The following FLNB variants were observed in gnomAD, a reference collection of about 807,000 sequenced individuals.
The protein encoded by FLNB is filamin-B.
FLNB carries 111 observed loss-of-function variants against 250.6 expected under a neutral mutation model. The ratio of observed to expected loss-of-function variants is 0.44; its 90% CI spans 0.38 to 0.52. The LOEUF is 0.52. FLNB is among the 20% of genes least tolerant of loss of function. FLNB has a pLI of 0.00. For missense variants in FLNB, 2,869 were observed against 3,447.8 expected (o/e 0.83, Z 4.20); for synonymous variants, 1,302 against 1,372.1 (o/e 0.95, Z 1.13).
Position 58,143,500 on chromosome 3 carries a change from C to T in FLNB, c.5312C>T (p.Thr1771Ile), listed in dbSNP as rs1428980287. The T allele has an allele frequency of 6.2e-7, 1 of 1,614,170 alleles. No homozygotes were observed. Among genetic ancestry groups the T allele is most frequent in the Admixed American group, 1.7e-5 (1 of 60,030 alleles). Reference protein sequence around the residue: ...TGEVHMPSGKTATPEIVDNKD... With the variant: ...TGEVHMPSGKIATPEIVDNKD... The stretch of plus-strand genomic sequence containing the variant: ...GAGGTCCACATGCCTTCTGGGAAGA[C>T]AGCCACACCTGAGATTGTGGACAAC... Residue 1771 changes from threonine to isoleucine, a missense_variant, in exon 32 of 46, where the codon ACA (threonine) becomes ATA (isoleucine). Thr to Ile is a moderately conservative substitution (Grantham distance 89, BLOSUM62 -1). Around this residue, in one of 5 missense-constraint regions of FLNB, gnomAD observed 1,084 missense variants for 1,315.5 expected, o/e 0.82. Transcript: ENST00000295956.
Position 58,123,703 on chromosome 3 carries a change from T to TAA in FLNB, c.3724+35_3724+36dup, listed in dbSNP as rs56147140. The TAA allele has an allele frequency of 2.4e-3, 2,660 of 1,113,528 alleles. No individual in the cohort carries two copies. The highest frequency in any genetic ancestry group is 4.1e-3 in the South Asian group (270 of 65,484). The allele number at this position is 1,113,528 out of a possible 1,614,324, so 69.0% of individuals were successfully genotyped here. A position where few individuals can be genotyped will look rare whatever the true frequency, so the allele number is the denominator to read the frequency against. Reference sequence around the variant, plus strand: ...ATAGAAGGGAAAGGTGGGTTTCATTTAAAAAAAAAAAAAAAAAAAAAAAGA... The same window carrying TAA: ...ATAGAAGGGAAAGGTGGGTTTCATTTAAAAAAAAAAAAAAAAAAAAAAAAAGA... On this transcript the variant is annotated intron_variant, in intron 21 of 45. Transcript: ENST00000295956.
chr3:58,045,999 C>CAAAAAA (rs34327981), intron 1 of FLNB, among the ~76,000 whole-genome samples: 3 of 69,004 alleles, frequency 4.3e-5, no homozygotes, highest in Admixed American at 2.2e-4. Context: ...ACTCCGTCTC[C>CAAAAAA]AAAAAAAAAA....
intron 1 of FLNB, among the ~76,000 whole-genome samples, chr3:58,021,239 A>C (rs2097113601): frequency 6.6e-6 from 1 of 152,184 alleles, no homozygotes; most frequent in Non-Finnish European, 1.5e-5. Flanking sequence ...AAAGCAGGCC[A>C]GAGTATGGGA....
At position 58,051,519 on chromosome 3, in the gene FLNB, C is replaced by T. The variant is rs537416759; in HGVS notation, c.293-25527C>T. Among the ~76,000 whole-genome samples the T allele has an allele frequency of 3.3e-5, 5 of 152,224 alleles. No individual in the cohort carries two copies. In the South Asian group the frequency reaches 8.3e-4, roughly 25 times the overall value. ...CATCTGCATGTGGATAAAGGGTCGT[C>T]GTCTTGAGTAGTGATTTTGCTGTGA... On this transcript the variant is annotated intron_variant, in intron 1 of 45. Transcript: ENST00000295956.
At chr3:58,043,399 G>A (rs914131316) in intron 1 of FLNB, among the ~76,000 whole-genome samples, 3 of 152,018 alleles carry the variant, frequency 2.0e-5, no homozygotes, top group African/African-American at 7.3e-5. Context: ...ACTTGAGCTG[G>A]CTTAAGTGAA....
intron 15 of FLNB, 101 bp downstream of exon 15, chr3:58,109,800 T>C: frequency 6.6e-7 from 1 of 1,518,700 alleles, no homozygotes; most frequent in Non-Finnish European, 9.1e-7. Flanking sequence ...GTAGTCCATC[T>C]GAATAGGTAA....
chr3:58,065,149 T>C (rs2097183742), intron 1 of FLNB, among the ~76,000 whole-genome samples: 1 of 152,190 alleles, frequency 6.6e-6, no homozygotes, highest in African/African-American at 2.4e-5. Context: ...TGTGTTTATA[T>C]GGTTCATACG....
At chr3:58,056,100 TA>T (rs1199047330) in intron 1 of FLNB, among the ~76,000 whole-genome samples, 30 of 132,492 alleles carry the variant, frequency 2.3e-4, no homozygotes, top group South Asian at 6.5e-4. Context: ...TTTATTTATT[TA>T]TTTATTTTTT....
intron 29 of FLNB, 37 bp downstream of exon 29, chr3:58,138,566 G>A: frequency 6.2e-7 from 1 of 1,613,290 alleles, no homozygotes; most frequent in South Asian, 1.1e-5. Flanking sequence ...TGCTGTTATT[G>A]GTGGAAACTG....
At chr3:58,093,097 C>T (rs761343569) in intron 4 of FLNB, among the ~76,000 whole-genome samples, 8 of 152,296 alleles carry the variant, frequency 5.3e-5, no homozygotes, top group Non-Finnish European at 1.0e-4. Context: ...GTCCCATTAC[C>T]CCTTCCTCAT....
intron 11 of FLNB, 50 bp from the exon 12 acceptor site, chr3:58,106,630 G>T (rs372186152): frequency 6.4e-6 from 10 of 1,550,530 alleles, no homozygotes; most frequent in Admixed American, 1.7e-5. Context: ...ACATAGAATA[G>T]GTGCTTTCCA....
chr3:58,077,851 T>A (rs2097203824), intron 2 of FLNB, among the ~76,000 whole-genome samples: 1 of 152,192 alleles, frequency 6.6e-6, no homozygotes, highest in Non-Finnish European at 1.5e-5. Flanking sequence ...TGAGTGTATA[T>A]GAAGGTTGTA....
intron 1 of FLNB, among the ~76,000 whole-genome samples, chr3:58,028,183 A>G (rs915064474): frequency 6.6e-6 from 1 of 152,188 alleles, no homozygotes; most frequent in Admixed American, 6.5e-5. Context: ...ACCATGTGCC[A>G]GGGGTGTAGA....
intron 41 of FLNB, among the ~76,000 whole-genome samples, chr3:58,159,207 A>C (rs1467434124): frequency 6.6e-6 from 1 of 152,146 alleles, no homozygotes; most frequent in Non-Finnish European, 1.5e-5. Context: ...CTCTTAAAAG[A>C]GGACACTTTT....
chr3:58,169,524 C>T lies in FLNB; in HGVS notation c.7418-66C>T. Reference sequence around the variant, plus strand: ...GTTACTGTGTAGGGTACTCGCCTGTCCTCTGGCTGAGAGACCCCTCTTGAT... The same window carrying T: ...GTTACTGTGTAGGGTACTCGCCTGTTCTCTGGCTGAGAGACCCCTCTTGAT... On this transcript the variant is annotated intron_variant, in intron 44 of 45. Transcript: ENST00000295956. This position sits in a 1 kb window ranked among gnomAD's most constrained non-coding sequence, Gnocchi z 4.8. 2 of 1,330,908 alleles carry T rather than the reference C, an allele frequency of 1.5e-6. No homozygotes were observed. Among genetic ancestry groups the T allele is most frequent in the East Asian group, 2.3e-5 (1 of 43,602 alleles). The allele number at this position is 1,330,908 out of a possible 1,614,324, so 82.4% of individuals were successfully genotyped here.
chr3:58,134,673 C>G lies in FLNB; in HGVS notation c.4572C>G (p.Gly1524=). The G allele has an allele frequency of 6.2e-7, 1 of 1,614,126 alleles. No homozygotes were observed. The highest frequency in any genetic ancestry group is 8.5e-7 in the Non-Finnish European group (1 of 1,179,972). ...ATGCCAGCAAAGTGACTGCCAGTGG[C>G]CCCGGCCTTAGTTCCTATGGTGTGC... ...TYDASKVTAS[G]PGLSSYGVPA... Residue 1524 remains glycine (G), a synonymous_variant, in exon 27 of 46, where the codon GGC becomes GGG. Coordinates refer to ENST00000295956, the MANE Select transcript of FLNB (RefSeq NM_001457.4).
chr3:58,104,884 CACATT>C (rs773781139), intron 10 of FLNB, among the ~76,000 whole-genome samples, 191 bp from the exon 11 acceptor site: 1 of 152,124 alleles, frequency 6.6e-6, no homozygotes, highest in Non-Finnish European at 1.5e-5. Context: ...CAGAAGCAGT[CACATT>C]ACATTATATT....
At chr3:58,089,654 A>G (rs188814103) in intron 4 of FLNB, among the ~76,000 whole-genome samples, 1 of 152,298 alleles carries the variant, frequency 6.6e-6, no homozygotes, top group African/African-American at 2.4e-5. Context: ...AATAATAATA[A>G]AAATTTAGGA....
chr3:58,076,149 A>G lies in FLNB; in HGVS notation c.293-897A>G, dbSNP rs547908037. ...AGAATAGCAAATATGAAAATGATTG[A>G]TAACACCTAGCATTGGTGAGATTTG... On this transcript the variant is annotated intron_variant, in intron 1 of 45. Transcript: ENST00000295956. Among the ~76,000 whole-genome samples, 3 of 152,344 alleles carry G rather than the reference A, an allele frequency of 2.0e-5. No individual in the cohort carries two copies. The East Asian group carries it at 5.8e-4, about 29-fold the overall frequency.
Sources: gnomAD v4.1 joint callset for allele counts (sites outside exome capture counted in the v4.1 genomes callset) on GRCh38, gnomAD v4.1.1 for gene constraint, gnomAD v4.1.1 regional missense constraint, Gnocchi (gnomAD v3.1) non-coding constraint, MANE v1.5 for transcripts, NCBI Gene and HGNC (gene_info 2026-07-23, HGNC 2026-07-21) for gene names.